Variants in NAV3 observed in about 807,000 individuals in gnomAD.
NAV3 encodes pore membrane and/or filament interacting like protein 1.
Under a neutral mutation model 244.7 loss-of-function variants are expected in NAV3, and 87 were observed. That is an observed-to-expected ratio of 0.36 (90% CI 0.30 to 0.42). NAV3 has a LOEUF of 0.42. Ranked by LOEUF, NAV3 falls within the 20% of genes least tolerant of loss-of-function variation. NAV3 has a pLI of 1.00. For synonymous variants in NAV3, 1,126 were observed against 1,042.2 expected (o/e 1.08, Z -1.55); for missense variants, 2,663 against 2,893.3 (o/e 0.92, Z 1.83).
At chr12:78,080,742 T>C (rs1953302967) in intron 12 of NAV3, among the ~76,000 whole-genome samples, 3 of 152,218 alleles carry the variant, frequency 2.0e-5, no homozygotes, top group Non-Finnish European at 2.9e-5. Flanking sequence ...CCCTGGACTC[T>C]TTTCTCCTAT....
chr12:78,193,542 T>C (rs543362658), intron 34 of NAV3, among the ~76,000 whole-genome samples: 1 of 152,224 alleles, frequency 6.6e-6, no homozygotes, highest in South Asian at 2.1e-4. Flanking sequence ...CATTGCCAAC[T>C]CCCATCTGGT....
chr12:78,153,481 G>C (rs563503248), intron 22 of NAV3, among the ~76,000 whole-genome samples: 1 of 152,070 alleles, frequency 6.6e-6, no homozygotes, highest in South Asian at 2.1e-4. Flanking sequence ...AACAGAAGCC[G>C]CACAAGGAAA....
In NAV3 at chr12:77,689,464, C is replaced by T. The variant is rs145547488; in HGVS notation, c.72+117198C>T. ...AGATTAAAACCAATGCAAGAGAACC[C>T]AAATTTCTCTAGGCAGTGGCTTTTA... On this transcript the variant is annotated intron_variant, in intron 2 of 8. Coordinates refer to the NAV3 transcript ENST00000550042. Among the ~76,000 whole-genome samples the T allele has an allele frequency of 6.4e-3, 979 of 151,974 alleles. 24 individuals are homozygous for T. The highest frequency in any genetic ancestry group is 0.051 in the Admixed American group (775 of 15,256).
intron 3 of NAV3, among the ~76,000 whole-genome samples, chr12:77,953,797 G>A (rs781144472): frequency 1.4e-4 from 22 of 152,158 alleles, no homozygotes; most frequent in Admixed American, 6.6e-5. Context: ...TGCTCACAAT[G>A]ATCCCTGCTC....
At chr12:78,190,370 A>G (rs1958920017) in intron 34 of NAV3, 151 bp downstream of exon 34, 4 of 661,226 alleles carry the variant, frequency 6.0e-6, no homozygotes, top group Non-Finnish European at 1.0e-5. Context: ...GAGTGATCAA[A>G]CTCTGTTTCA....
intron 2 of NAV3, among the ~76,000 whole-genome samples, chr12:77,657,376 C>T (rs948553244): frequency 3.3e-5 from 5 of 152,212 alleles, no homozygotes; most frequent in South Asian, 2.1e-4. Flanking sequence ...ATAAATTCCT[C>T]GACACATACA....
intron 3 of NAV3, among the ~76,000 whole-genome samples, chr12:77,942,604 A>C (rs560055276): frequency 3.9e-5 from 6 of 152,112 alleles, no homozygotes; most frequent in Admixed American, 3.9e-4. Context: ...CTGAGGTTTT[A>C]CTGTGAACAA....
At chr12:78,186,213 G>C (rs1251284759) in intron 31 of NAV3, among the ~76,000 whole-genome samples, 1 of 151,572 alleles carries the variant, frequency 6.6e-6, no homozygotes, top group East Asian at 1.9e-4. Context: ...TAATTTTTTT[G>C]CAATGAAATA....
chr12:77,946,041 G>A (rs982880401), intron 3 of NAV3, among the ~76,000 whole-genome samples: 3 of 149,916 alleles, frequency 2.0e-5, no homozygotes, highest in African/African-American at 4.9e-5. Flanking sequence ...TTACAGGCAT[G>A]AGCCACCATG....
intron 20 of NAV3, among the ~76,000 whole-genome samples, chr12:78,140,857 A>T (rs1956580031): frequency 6.6e-6 from 1 of 151,260 alleles, no homozygotes; most frequent in South Asian, 2.1e-4. Flanking sequence ...AAAGAGTGTG[A>T]TTTTTTTAAC....
rs1053946610 is a variant in NAV3, at chr12:77,940,962, T to C, written c.362-119T>C. 4 of 667,650 alleles carry C rather than the reference T, an allele frequency of 6.0e-6. No homozygotes were observed. In the East Asian group the frequency reaches 1.1e-4, roughly 18 times the overall value. 41.4% of individuals were successfully genotyped at this position (667,650 alleles called of 1,614,324 possible). On this transcript the variant is annotated intron_variant, in intron 2 of 39. Coordinates refer to ENST00000397909, the MANE Select transcript of NAV3 (RefSeq NM_001024383.2). ...TACACTGCTTGGAAGACAGAATATATGTAGCAGGAGCATTTTTGCTTGGTA... is the reference window on the plus strand; with the variant it reads ...TACACTGCTTGGAAGACAGAATATACGTAGCAGGAGCATTTTTGCTTGGTA...
chr12:78,071,478 C>T lies in NAV3; in HGVS notation c.2636+12363C>T, dbSNP rs981262276. Among the ~76,000 whole-genome samples, 67 of 151,762 alleles carry T rather than the reference C, an allele frequency of 4.4e-4. 1 individual carries two copies. The highest frequency in any genetic ancestry group is 9.8e-4 in the Admixed American group (15 of 15,238). On this transcript the variant is annotated intron_variant, in intron 12 of 39. Transcript: ENST00000397909. ...AGCCCTTTGTCAGATGAGTAGGTTG[C>T]GAAAATTTTCTCCCATTTTGTAGGT...
chr12:77,938,718 G>C (rs1889569865), intron 1 of NAV3, among the ~76,000 whole-genome samples: 1 of 151,942 alleles, frequency 6.6e-6, no homozygotes, highest in Non-Finnish European at 1.5e-5. Context: ...CATATGTCAG[G>C]CTGTCTCTTG....
chr12:77,806,211 T>G (rs1156564856), intron 2 of NAV3, among the ~76,000 whole-genome samples: 17 of 152,208 alleles, frequency 1.1e-4, no homozygotes. Context: ...CTGCTAGCTT[T>G]TGAATTTGTT....
chr12:78,070,887 AT>A (rs1182413198), intron 12 of NAV3, among the ~76,000 whole-genome samples: 7 of 147,666 alleles, frequency 4.7e-5, no homozygotes, highest in Admixed American at 1.4e-4. Context: ...TGAACTCATC[AT>A]TTTTTATGGC....
intron 1 of NAV3, among the ~76,000 whole-genome samples, chr12:77,933,151 G>T (rs1888979546): frequency 1.3e-5 from 2 of 152,092 alleles, no homozygotes; most frequent in Admixed American, 1.3e-4. Flanking sequence ...GAGCTATTTT[G>T]TGATTTTTAC....
At chr12:78,127,368 A>T (rs1461764150) in intron 17 of NAV3, among the ~76,000 whole-genome samples, 160 bp downstream of exon 17, 2 of 152,206 alleles carry the variant, frequency 1.3e-5, no homozygotes, top group Non-Finnish European at 2.9e-5. Context: ...AGTTGGTGAG[A>T]TAGCCCCTTA....
intron 3 of NAV3, among the ~76,000 whole-genome samples, chr12:77,956,127 A>T (rs909905237): frequency 1.3e-5 from 2 of 152,156 alleles, no homozygotes; most frequent in Non-Finnish European, 2.9e-5. Flanking sequence ...TCCAGAAAAA[A>T]TTTATGTCTA....
At chr12:78,168,927 T>C in intron 24 of NAV3, 61 bp downstream of exon 24, 1 of 1,138,640 alleles carries the variant, frequency 8.8e-7, no homozygotes, top group Non-Finnish European at 1.3e-6. Flanking sequence ...TATTTATTAA[T>C]TACAGTAGAA....
Sources: gnomAD v4.1 joint callset for allele counts (sites outside exome capture counted in the v4.1 genomes callset) on GRCh38, gnomAD v4.1.1 for gene constraint, MANE v1.5 for transcripts, NCBI Gene and HGNC (gene_info 2026-07-23, HGNC 2026-07-21) for gene names.